The following DOCK5 variants were observed in gnomAD, a reference collection of about 807,000 sequenced individuals.
DOCK5 encodes dedicator of cytokinesis protein 5.
A neutral mutation model predicts 251.8 loss-of-function variants in DOCK5; 142 were observed. The ratio of observed to expected loss-of-function variants is 0.56; its 90% CI spans 0.49 to 0.65. The LOEUF is 0.65. Among genes scored for constraint, DOCK5 ranks in the 30% least tolerant of loss-of-function variants. The pLI is 0.00. For missense variants in DOCK5, 2,111 were observed against 2,312.3 expected (o/e 0.91, Z 1.79); for synonymous variants, 842 against 835.5 (o/e 1.01, Z -0.13).
intron 27 of DOCK5, among the ~76,000 whole-genome samples, chr8:25,358,001 T>C (rs920226311): frequency 4.6e-5 from 7 of 152,162 alleles, no homozygotes; most frequent in African/African-American, 1.7e-4. Context: ...CATCTAGTTA[T>C]TGATTTTTTC....
chr8:25,352,288 G>GA (rs1249344777), intron 27 of DOCK5, among the ~76,000 whole-genome samples: 3 of 146,582 alleles, frequency 2.0e-5, no homozygotes, highest in African/African-American at 7.6e-5. Flanking sequence ...AGGAAGGAAG[G>GA]AAAAAAGGAG....
At position 25,210,062 on chromosome 8, in the gene DOCK5, G is replaced by A. The variant is rs1431329277; in HGVS notation, c.43+25111G>A. Among the ~76,000 whole-genome samples, 94 of 25,728 alleles carry A rather than the reference G, an allele frequency of 3.7e-3. 16 individuals carry two copies. The highest frequency in any genetic ancestry group is 7.3e-3 in the African/African-American group (57 of 7,770). 16.9% of individuals were successfully genotyped at this position (25,728 alleles called of 152,430 possible). A position where few individuals can be genotyped will look rare whatever the true frequency, so the allele number is the denominator to read the frequency against. ...TGTGTGTGTGTGTGTGTGTGTGTGTGTGTGTGTATCTGTCTATTTATCTAT... is the reference window on the plus strand; with the variant it reads ...TGTGTGTGTGTGTGTGTGTGTGTGTATGTGTGTATCTGTCTATTTATCTAT... On this transcript the variant is annotated intron_variant, in intron 1 of 51. Coordinates refer to ENST00000276440, the MANE Select transcript of DOCK5 (RefSeq NM_024940.8).
At chr8:25,296,390 T>A in intron 6 of DOCK5, 123 bp from the exon 7 acceptor site, 1 of 1,273,166 alleles carries the variant, frequency 7.9e-7, no homozygotes, top group Admixed American at 2.6e-5. Context: ...GAGGTGTGCT[T>A]CCCTGGGCTT....
rs73560476 is a variant in DOCK5, at chr8:25,325,668, A to G, written c.1903+121A>G. On this transcript the variant is annotated intron_variant, in intron 18 of 51. Transcript: ENST00000276440. ...GTCTTATTAGGTAGGATGTTGGCCA[A>G]TTGGATTCTGCTCTCTGCTTTTCAA... The G allele has an allele frequency of 8.0e-5, 93 of 1,156,880 alleles. 1 individual carries two copies. In the Middle Eastern group the frequency reaches 1.2e-3, roughly 15 times the overall value. The allele number at this position is 1,156,880 out of a possible 1,614,324, so 71.7% of individuals were successfully genotyped here. A position where few individuals can be genotyped will look rare whatever the true frequency, so the allele number is the denominator to read the frequency against.
chr8:25,254,357 A>G (rs775970109), intron 2 of DOCK5, among the ~76,000 whole-genome samples: 15 of 152,196 alleles, frequency 9.9e-5, no homozygotes, highest in Non-Finnish European at 1.3e-4. Flanking sequence ...AACACTGAAA[A>G]CACAGTTATA....
intron 40 of DOCK5, among the ~76,000 whole-genome samples, chr8:25,384,241 G>A (rs2117307240): frequency 6.6e-6 from 1 of 152,238 alleles, no homozygotes; most frequent in South Asian, 2.1e-4. Context: ...CTTCCTATCA[G>A]GACAGAAAGT....
intron 27 of DOCK5, among the ~76,000 whole-genome samples, chr8:25,352,136 G>A (rs937966896): frequency 6.0e-5 from 9 of 151,234 alleles, no homozygotes; most frequent in African/African-American, 1.5e-4. Context: ...TCACTTAAAC[G>A]TGAGATGTCG....
At chr8:25,312,517 C>G (rs556483249) in intron 13 of DOCK5, among the ~76,000 whole-genome samples, 1 of 152,116 alleles carries the variant, frequency 6.6e-6, no homozygotes, top group Non-Finnish European at 1.5e-5. Flanking sequence ...AATCCCAGCA[C>G]TTTGGGAAGC....
intron 2 of DOCK5, among the ~76,000 whole-genome samples, chr8:25,264,864 A>G (rs1803696333): frequency 6.6e-6 from 1 of 151,928 alleles, no homozygotes; most frequent in African/African-American, 2.4e-5. Context: ...AACATAAGGC[A>G]TGATGACATT....
At chr8:25,404,449 G>T (rs1801490551) in intron 48 of DOCK5, among the ~76,000 whole-genome samples, 1 of 152,068 alleles carries the variant, frequency 6.6e-6, no homozygotes, top group Non-Finnish European at 1.5e-5. Context: ...AGTATTTTTG[G>T]ATATTTGCGT....
chr8:25,400,857 C>T (rs1242809885), intron 46 of DOCK5, 72 bp from the exon 47 acceptor site: 10 of 1,571,100 alleles, frequency 6.4e-6, no homozygotes, highest in Non-Finnish European at 7.8e-6. Context: ...CCCATCCCTC[C>T]CTTCCCCAAC....
At chr8:25,410,865 G>A (rs551687000) in intron 51 of DOCK5, among the ~76,000 whole-genome samples, 59 of 151,610 alleles carry the variant, frequency 3.9e-4, no homozygotes, top group African/African-American at 1.4e-3. Context: ...TTTAACAAAT[G>A]ACTTTTAAGT....
At chr8:25,305,534 G>T (rs1804895338) in intron 11 of DOCK5, among the ~76,000 whole-genome samples, 1 of 152,088 alleles carries the variant, frequency 6.6e-6, no homozygotes, top group African/African-American at 2.4e-5. Flanking sequence ...CCCAAAAACT[G>T]TAAAGAACTT....
chr8:25,413,537 G>A lies in DOCK5; in HGVS notation c.*2239G>A, dbSNP rs1232096579. On this transcript the variant is annotated 3_prime_UTR_variant, in exon 52 of 52. Transcript: ENST00000276440. ...AGTCACCCAGCAGACCGGCTAGAGGGGATTTGTGTGCCACACTCTACTTGC... is the reference window on the plus strand; with the variant it reads ...AGTCACCCAGCAGACCGGCTAGAGGAGATTTGTGTGCCACACTCTACTTGC... The A allele has an allele frequency of 1.3e-5, 2 of 152,144 alleles. No homozygotes were observed. The highest frequency in any genetic ancestry group is 4.8e-5 in the African/African-American group (2 of 41,426). 9.4% of individuals were successfully genotyped at this position (152,144 alleles called of 1,614,324 possible).
At chr8:25,341,344 C>T (rs145421986) in intron 23 of DOCK5, among the ~76,000 whole-genome samples, 167 of 152,178 alleles carry the variant, frequency 1.1e-3, no homozygotes, top group African/African-American at 3.8e-3. Context: ...AAGTCACCAT[C>T]TTTATTATCA....
At chr8:25,330,309 T>C (rs907643872) in intron 18 of DOCK5, among the ~76,000 whole-genome samples, 2 of 152,210 alleles carry the variant, frequency 1.3e-5, no homozygotes, top group Non-Finnish European at 2.9e-5. Context: ...CAAACATGTA[T>C]TGAACACCTA....
intron 29 of DOCK5, among the ~76,000 whole-genome samples, chr8:25,364,272 T>A (rs1355270936): frequency 6.6e-6 from 1 of 152,174 alleles, no homozygotes; most frequent in Non-Finnish European, 1.5e-5. Context: ...TATGTACAGA[T>A]TAGATTTAAA....
At chr8:25,330,262 A>C (rs753129080) in intron 18 of DOCK5, among the ~76,000 whole-genome samples, 1 of 152,210 alleles carries the variant, frequency 6.6e-6, no homozygotes, top group Non-Finnish European at 1.5e-5. Context: ...CCTTAGGGCT[A>C]CTGGTTCCCT....
intron 1 of DOCK5, among the ~76,000 whole-genome samples, chr8:25,198,119 T>C (rs1801781116): frequency 6.6e-6 from 1 of 152,300 alleles, no homozygotes; most frequent in East Asian, 1.9e-4. Context: ...AAAATAACTC[T>C]TTGCTGACTC....
Sources: allele counts gnomAD v4.1 joint callset (sites outside exome capture counted in the v4.1 genomes callset), GRCh38; gene constraint gnomAD v4.1.1; transcripts MANE v1.5; gene names NCBI Gene and HGNC (gene_info 2026-07-23, HGNC 2026-07-21).